Variants in NAV3 observed in about 807,000 individuals in gnomAD.
NAV3 encodes pore membrane and/or filament interacting like protein 1.
In NAV3, 87 loss-of-function variants were observed where a neutral mutation model predicts 244.7. The ratio of observed to expected loss-of-function variants is 0.36; its 90% CI spans 0.30 to 0.42. NAV3 has a LOEUF of 0.42. NAV3 is among the 20% of genes least tolerant of loss of function. The pLI, the probability that NAV3 is intolerant of heterozygous loss-of-function variation, is 1.00. For missense variants in NAV3, 2,663 were observed against 2,893.3 expected (o/e 0.92, Z 1.83); for synonymous variants, 1,126 against 1,042.2 (o/e 1.08, Z -1.55).
intron 30 of NAV3, among the ~76,000 whole-genome samples, chr12:78,181,483 G>A (rs1958496180): frequency 1.3e-5 from 2 of 151,992 alleles, no homozygotes; most frequent in Non-Finnish European, 2.9e-5. Flanking sequence ...TAATGCTACT[G>A]TCACCCAGTC....
At chr12:78,202,720 A>G (rs1377916869) in intron 38 of NAV3, among the ~76,000 whole-genome samples, 2 of 151,896 alleles carry the variant, frequency 1.3e-5, no homozygotes, top group Admixed American at 1.3e-4. Context: ...TTTTTGGGGG[A>G]GGGGAATCCA....
chr12:78,148,967 G>A (rs779617535), intron 22 of NAV3, 48 bp downstream of exon 22: 7 of 1,453,996 alleles, frequency 4.8e-6, no homozygotes, highest in South Asian at 1.2e-5. Context: ...TTTTATAGAG[G>A]AAAATGAAAT....
chr12:78,019,888 A>G (rs565490476), intron 8 of NAV3, among the ~76,000 whole-genome samples: 2 of 152,204 alleles, frequency 1.3e-5, no homozygotes, highest in Non-Finnish European at 2.9e-5. Flanking sequence ...AGTTCTATAA[A>G]TGATGGGTTT....
At chr12:78,161,909 T>C (rs1347057175) in intron 23 of NAV3, among the ~76,000 whole-genome samples, 1 of 152,114 alleles carries the variant, frequency 6.6e-6, no homozygotes, top group East Asian at 1.9e-4. Flanking sequence ...ACAATATACC[T>C]CAGCCTAGAT....
intron 18 of NAV3, among the ~76,000 whole-genome samples, chr12:78,136,783 T>C (rs901822892): frequency 3.9e-5 from 6 of 152,204 alleles, no homozygotes; most frequent in African/African-American, 1.4e-4. Context: ...TTTTATATTT[T>C]ACTTTCTTTT....
At chr12:77,761,478 A>C (rs1318620717) in intron 2 of NAV3, among the ~76,000 whole-genome samples, 1 of 152,188 alleles carries the variant, frequency 6.6e-6, no homozygotes, top group African/African-American at 2.4e-5. Flanking sequence ...TGACTATTCC[A>C]AGTGAACAGG....
intron 12 of NAV3, among the ~76,000 whole-genome samples, chr12:78,093,405 T>G (rs1275466263): frequency 2.6e-5 from 4 of 152,208 alleles, no homozygotes; most frequent in Non-Finnish European, 1.5e-5. Context: ...AGGTACTAAA[T>G]AAATCAATTA....
intron 2 of NAV3, among the ~76,000 whole-genome samples, chr12:77,762,440 A>C (rs191463024): frequency 6.6e-5 from 10 of 152,020 alleles, no homozygotes; most frequent in Admixed American, 4.6e-4. Flanking sequence ...AAAATAAAAA[A>C]ATACAAAAAA....
intron 21 of NAV3, 84 bp from the exon 22 acceptor site, chr12:78,148,758 C>A: frequency 8.3e-7 from 1 of 1,207,018 alleles, no homozygotes; most frequent in Non-Finnish European, 1.2e-6. Flanking sequence ...GAGCTAAATA[C>A]AGCATTTGCT....
intron 2 of NAV3, among the ~76,000 whole-genome samples, chr12:77,738,827 G>T (rs113072859): frequency 2.6e-5 from 4 of 152,066 alleles, no homozygotes; most frequent in African/African-American, 9.6e-5. Flanking sequence ...TGGCTAACAC[G>T]GTGAAACCCC....
At chr12:77,747,287 G>T (rs988792620) in intron 2 of NAV3, among the ~76,000 whole-genome samples, 5 of 152,100 alleles carry the variant, frequency 3.3e-5, no homozygotes, top group Non-Finnish European at 7.4e-5. Flanking sequence ...GGGGTTGTTT[G>T]TTTTTCACTG....
intron 23 of NAV3, among the ~76,000 whole-genome samples, chr12:78,168,197 G>A (rs1957858198): frequency 6.6e-6 from 1 of 151,690 alleles, no homozygotes; most frequent in Non-Finnish European, 1.5e-5. Context: ...ACATGACTTT[G>A]ATATGGCATC....
At position 78,175,401 on chromosome 12, in the gene NAV3, T is replaced by C. The variant is rs776372086; in HGVS notation, c.5077T>C (p.Ser1693Pro). 25 of 1,610,968 alleles carry C rather than the reference T, an allele frequency of 1.6e-5. No homozygotes were observed. Among genetic ancestry groups the C allele is most frequent in the Non-Finnish European group, 2.0e-5 (23 of 1,178,162 alleles). The change falls in exon 25 of 40, where the codon TCC (serine) becomes CCC (proline). Residue 1693 changes from serine (S) to proline (P), a missense_variant. Coordinates refer to ENST00000397909, the MANE Select transcript of NAV3 (RefSeq NM_001024383.2). ...SSIGSGNDAD[S>P]KKKKKKNWVN... Reference sequence around the variant, plus strand: ...TATTGGCAGTGGTAATGATGCCGACTCCAAGAAGAAGAAAAAGAAAAACTG... The same window carrying C: ...TATTGGCAGTGGTAATGATGCCGACCCCAAGAAGAAGAAAAAGAAAAACTG...
chr12:77,774,782 T>TAC lies in NAV3; in HGVS notation c.73-165536_73-165535dup, dbSNP rs140810104. On this transcript the variant is annotated intron_variant, in intron 2 of 8. Transcript: ENST00000550042. ...TAACATGGGCTGGCGAAAGACTATA[T>TAC]ACCCAAAACATGTTATTCTAATCTC... Among the ~76,000 whole-genome samples the TAC allele has an allele frequency of 8.2e-3, 1,252 of 152,308 alleles. 20 individuals are homozygous for TAC. Among genetic ancestry groups the TAC allele is most frequent in the African/African-American group, 0.027 (1,132 of 41,564 alleles).
At chr12:77,708,001 T>C (rs1875912673) in intron 2 of NAV3, among the ~76,000 whole-genome samples, 1 of 152,166 alleles carries the variant, frequency 6.6e-6, no homozygotes. Flanking sequence ...TCTCCCATTC[T>C]GTAGGTTGCC....
intron 23 of NAV3, among the ~76,000 whole-genome samples, chr12:78,162,869 AAT>A (rs1027719140): frequency 8.2e-6 from 1 of 121,878 alleles, no homozygotes; most frequent in Non-Finnish European, 1.6e-5. Flanking sequence ...CTCAAAAAAA[AAT>A]ATATATATAT....
At chr12:78,048,191 C>T (rs1882155879) in intron 9 of NAV3, among the ~76,000 whole-genome samples, 1 of 152,074 alleles carries the variant, frequency 6.6e-6, no homozygotes. Context: ...TTGTTATTAC[C>T]CACCTTCTAA....
chr12:78,165,679 A>G (rs913401891), intron 23 of NAV3, among the ~76,000 whole-genome samples: 35 of 151,878 alleles, frequency 2.3e-4, no homozygotes, highest in African/African-American at 8.0e-4. Context: ...TGTATCTTAA[A>G]AAATAAATGT....
chr12:77,583,889 A>G (rs1224076107), intron 2 of NAV3, among the ~76,000 whole-genome samples: 6 of 152,134 alleles, frequency 3.9e-5, no homozygotes, highest in Admixed American at 3.9e-4. Context: ...AGACATATTG[A>G]CAACCCATCT....
Sources: gnomAD v4.1 joint callset for allele counts (sites outside exome capture counted in the v4.1 genomes callset) on GRCh38, gnomAD v4.1.1 for gene constraint, MANE v1.5 for transcripts, NCBI Gene and HGNC (gene_info 2026-07-23, HGNC 2026-07-21) for gene names.